Variants in NUP210L observed in about 807,000 individuals in gnomAD.
NUP210L encodes nuclear pore membrane glycoprotein 210-like.
A neutral mutation model predicts 208.5 loss-of-function variants in NUP210L; 74 were observed. That is an observed-to-expected ratio of 0.35 (90% CI 0.29 to 0.43). The LOEUF is 0.43. Among genes scored for constraint, NUP210L ranks in the 20% least tolerant of loss-of-function variants. The probability of loss-of-function intolerance (pLI) is 1.00; values close to 1 mark genes in which losing one functional copy is unlikely to be tolerated. For synonymous variants in NUP210L, 780 were observed against 816.9 expected, an observed-to-expected ratio of 0.95 and a Z score of 0.77; for missense variants, 1,843 against 2,289.4, an observed-to-expected ratio of 0.81 and a Z score of 3.98.
At chr1:154,134,968 C>A (rs1311562803) in intron 7 of NUP210L, among the ~76,000 whole-genome samples, 2 of 151,538 alleles carry the variant, frequency 1.3e-5, no homozygotes, top group African/African-American at 4.8e-5. Flanking sequence ...AAACTCCCGA[C>A]CTCAGGTGAT....
chr1:154,074,096 T>C (rs954124731), intron 16 of NUP210L, among the ~76,000 whole-genome samples: 4 of 151,878 alleles, frequency 2.6e-5, no homozygotes, highest in African/African-American at 9.6e-5. Context: ...GTTGTACCAC[T>C]ATTAGTGATG....
intron 37 of NUP210L, among the ~76,000 whole-genome samples, chr1:153,997,983 C>G (rs1649995497): frequency 1.3e-5 from 2 of 151,938 alleles, no homozygotes; most frequent in South Asian, 4.2e-4. Flanking sequence ...GCTGGGATTA[C>G]AGGCTTGAGC....
intron 15 of NUP210L, among the ~76,000 whole-genome samples, chr1:154,091,084 T>G (rs1655885286): frequency 1.4e-5 from 2 of 145,202 alleles, no homozygotes; most frequent in African/African-American, 5.0e-5. Flanking sequence ...ATTATTATTA[T>G]TATTATTATT....
At chr1:154,032,691 G>A (rs926378718) in intron 27 of NUP210L, among the ~76,000 whole-genome samples, 8 of 152,198 alleles carry the variant, frequency 5.3e-5, no homozygotes, top group Admixed American at 3.9e-4. Flanking sequence ...GCCGAGGCAG[G>A]TGGATCACCT....
intron 12 of NUP210L, among the ~76,000 whole-genome samples, chr1:154,105,793 G>A (rs549975320): frequency 6.6e-6 from 1 of 152,320 alleles, no homozygotes; most frequent in Non-Finnish European, 1.5e-5. Context: ...CTAGGCCAGA[G>A]GGGAGCCCAC....
intron 18 of NUP210L, 66 bp downstream of exon 18, chr1:154,061,520 T>A: frequency 1.0e-6 from 1 of 1,000,686 alleles, no homozygotes; most frequent in Non-Finnish European, 1.5e-6. Flanking sequence ...GTTGTACAAC[T>A]TTTAAAGAAG....
intron 16 of NUP210L, among the ~76,000 whole-genome samples, chr1:154,080,664 G>A (rs946342285): frequency 4.0e-5 from 6 of 151,322 alleles, no homozygotes; most frequent in African/African-American, 1.2e-4. Context: ...CAGCCTAAGC[G>A]ACAGAGCGAG....
chr1:154,025,475 C>A, intron 30 of NUP210L, 67 bp downstream of exon 30: 2 of 1,016,686 alleles, frequency 2.0e-6, no homozygotes, highest in Non-Finnish European at 2.6e-6. Context: ...AAAAAAGAAA[C>A]TCTGCTTTTT....
chr1:154,094,999 A>T, exon 15 of NUP210L: 1 of 1,614,162 alleles, frequency 6.2e-7, no homozygotes, highest in Non-Finnish European at 8.5e-7. Flanking sequence ...CTTAGATGGC[A>T]GCCACACTTG....
intron 25 of NUP210L, among the ~76,000 whole-genome samples, chr1:154,046,792 C>T (rs1233743576): frequency 2.6e-5 from 4 of 152,106 alleles, no homozygotes; most frequent in South Asian, 2.1e-4. Flanking sequence ...GGGCTGTGCA[C>T]GGTGGCTCAC....
intron 27 of NUP210L, among the ~76,000 whole-genome samples, chr1:154,036,393 T>C (rs563329644): frequency 4.9e-5 from 7 of 142,982 alleles, no homozygotes; most frequent in African/African-American, 1.5e-4. Context: ...TTTTGGAGTT[T>C]CACTCTTGTT....
intron 16 of NUP210L, among the ~76,000 whole-genome samples, chr1:154,072,842 C>G (rs1242216239): frequency 6.6e-6 from 1 of 152,112 alleles, no homozygotes; most frequent in East Asian, 1.9e-4. Flanking sequence ...TGGAAAAACC[C>G]TTCTAGACTT....
chr1:154,057,040 A>G (rs1375251874), intron 22 of NUP210L, 93 bp from the exon 23 acceptor site: 14 of 1,264,502 alleles, frequency 1.1e-5, no homozygotes, highest in South Asian at 1.1e-4. Context: ...GTGCAGTGGC[A>G]TGATCTCAGC....
chr1:154,127,516 A>T, intron 8 of NUP210L, 99 bp from the exon 9 acceptor site: 1 of 484,608 alleles, frequency 2.1e-6, no homozygotes. Context: ...AAACAGCAAA[A>T]TTTACTAATA....
chr1:154,055,133 TTCTTTCTTTC>T (rs1199619176), intron 23 of NUP210L, among the ~76,000 whole-genome samples: 6 of 68,628 alleles, frequency 8.7e-5, no homozygotes, highest in African/African-American at 4.5e-4. Flanking sequence ...TTTTCTTTCT[TTCTTTCTTTC>T]TTTCTTTCTT....
intron 17 of NUP210L, among the ~76,000 whole-genome samples, chr1:154,070,038 C>T (rs890361454): frequency 6.6e-6 from 1 of 152,108 alleles, no homozygotes; most frequent in Admixed American, 6.6e-5. Context: ...ACATCACACA[C>T]CAGGGCCTAT....
chr1:154,063,669 C>A (rs1471092510), intron 17 of NUP210L, among the ~76,000 whole-genome samples: 1 of 152,024 alleles, frequency 6.6e-6, no homozygotes, highest in African/African-American at 2.4e-5. Flanking sequence ...GATAAATCAA[C>A]AAATTCACAA....
intron 35 of NUP210L, among the ~76,000 whole-genome samples, 155 bp downstream of exon 35, chr1:154,009,817 G>C (rs1038151634): frequency 2.0e-5 from 3 of 146,754 alleles, no homozygotes; most frequent in Admixed American, 1.4e-4. Context: ...AAAGAAAAAA[G>C]AGTTGAACGG....
intron 14 of NUP210L, among the ~76,000 whole-genome samples, chr1:154,098,615 G>A (rs1656297203): frequency 6.6e-6 from 1 of 152,164 alleles, no homozygotes; most frequent in Non-Finnish European, 1.5e-5. Context: ...GCAGCTGGTT[G>A]CCCAATGTCT....
Sources: allele counts gnomAD v4.1 joint callset (sites outside exome capture counted in the v4.1 genomes callset), GRCh38; gene constraint gnomAD v4.1.1; transcripts MANE v1.5; gene names NCBI Gene and HGNC (gene_info 2026-07-23, HGNC 2026-07-21).